The following LINGO2 variants were observed in gnomAD, a reference collection of about 807,000 sequenced individuals.
LINGO2 encodes leucine-rich repeat and immunoglobulin-like domain-containing nogo receptor-interacting protein 2.
Under a neutral mutation model 30.6 loss-of-function variants are expected in LINGO2, and 14 were observed. The observed-to-expected ratio is 0.46, with a 90% CI of 0.30 to 0.72. The LOEUF (loss-of-function observed/expected upper bound fraction) is 0.72, where lower values mean the gene tolerates loss of function less well. Among genes scored for constraint, LINGO2 ranks in the 30% least tolerant of loss-of-function variants. LINGO2 has a pLI of 0.07. For missense variants in LINGO2, 729 were observed against 751.7 expected (o/e 0.97, Z 0.35); for synonymous variants, 317 against 288.5 (o/e 1.10, Z -1.00).
chr9:28,885,901 C>A, the LINGO2 span, among the ~76,000 whole-genome samples: 1 of 152,214 alleles, frequency 6.6e-6, no homozygotes, highest in Middle Eastern at 3.4e-3. Flanking sequence ...AAACCAGATC[C>A]ACTTTCACTA....
In LINGO2 at chr9:27,962,955, A is replaced by T. The variant is rs16912113; in HGVS notation, c.-35-12249T>A. On this transcript the variant is annotated intron_variant, in intron 5 of 5. Transcript: ENST00000379992. ...ATATTTTTATACTTACATTTTTCGTATGCTGGGTATTTATTCCCCACTTAT... is the reference window on the plus strand; with the variant it reads ...ATATTTTTATACTTACATTTTTCGTTTGCTGGGTATTTATTCCCCACTTAT... Among the ~76,000 whole-genome samples, 611 of 152,236 alleles carry T rather than the reference A, an allele frequency of 4.0e-3. 2 individuals are homozygous for T. The highest frequency in any genetic ancestry group is 0.014 in the African/African-American group (565 of 41,548).
the LINGO2 span, among the ~76,000 whole-genome samples, chr9:28,916,366 G>C: frequency 6.6e-6 from 1 of 152,116 alleles, no homozygotes; most frequent in Non-Finnish European, 1.5e-5. Context: ...AATTAACTAA[G>C]AGCCTGGCAT....
chr9:28,700,219 C>A, the LINGO2 span, among the ~76,000 whole-genome samples: 1 of 151,938 alleles, frequency 6.6e-6, no homozygotes, highest in Non-Finnish European at 1.5e-5. Context: ...TCTCAGCCAG[C>A]TGACACTAAA....
At chr9:28,069,773 C>A (rs1421584189) in intron 4 of LINGO2, among the ~76,000 whole-genome samples, 1 of 152,160 alleles carries the variant, frequency 6.6e-6, no homozygotes, top group Non-Finnish European at 1.5e-5. Context: ...AGACATCCAA[C>A]TTATGAGGTC....
intron 2 of LINGO2, among the ~76,000 whole-genome samples, chr9:28,462,399 T>C (rs1454351195): frequency 7.2e-6 from 1 of 139,144 alleles, no homozygotes; most frequent in African/African-American, 2.6e-5. Flanking sequence ...AGAATAACAT[T>C]CATCATGCTC....
At chr9:28,423,974 C>T (rs1040415785) in intron 2 of LINGO2, among the ~76,000 whole-genome samples, 3 of 152,078 alleles carry the variant, frequency 2.0e-5, no homozygotes, top group Admixed American at 6.6e-5. Context: ...TGAAGTGCCT[C>T]ACTCAGAGGG....
chr9:29,197,243 A>G, the LINGO2 span, among the ~76,000 whole-genome samples: 3 of 152,066 alleles, frequency 2.0e-5, no homozygotes, highest in Non-Finnish European at 4.4e-5. Flanking sequence ...GTATATAACT[A>G]TCATTTATAG....
At chr9:28,243,469 A>AAAAGAAG (rs61010611) in intron 4 of LINGO2, among the ~76,000 whole-genome samples, 6 of 145,154 alleles carry the variant, frequency 4.1e-5, no homozygotes, top group East Asian at 2.0e-4. Flanking sequence ...AAAAATAAAA[A>AAAAGAAG]AAGAAGAAGA....
At chr9:29,138,015 TG>T in the LINGO2 span, among the ~76,000 whole-genome samples, 1 of 152,004 alleles carries the variant, frequency 6.6e-6, no homozygotes, top group African/African-American at 2.4e-5. Context: ...TATTTAGCAC[TG>T]GGTGAAGTTT....
the LINGO2 span, chr9:27,940,402 G>A: frequency 6.6e-6 from 1 of 152,130 alleles, no homozygotes; most frequent in Admixed American, 6.6e-5. Context: ...AGTGTGACAA[G>A]CCCTAGAAGC....
chr9:29,113,327 C>T, the LINGO2 span, among the ~76,000 whole-genome samples: 9 of 152,160 alleles, frequency 5.9e-5, no homozygotes, highest in Admixed American at 5.2e-4. Context: ...AATGGTGAAA[C>T]CTCGATGCTT....
At chr9:28,442,958 T>G (rs2135026830) in intron 2 of LINGO2, among the ~76,000 whole-genome samples, 1 of 133,614 alleles carries the variant, frequency 7.5e-6, no homozygotes, top group East Asian at 2.8e-4. Context: ...ATATTAAAAA[T>G]ATTACCCCAA....
At chr9:28,780,830 A>ATG in the LINGO2 span, among the ~76,000 whole-genome samples, 10,178 of 127,232 alleles carry the variant, frequency 0.08, 534 homozygotes, top group African/African-American at 0.16. Flanking sequence ...CTTGGTAGTA[A>ATG]TGTGTGTGTG....
chr9:28,219,090 T>C (rs899421120), intron 4 of LINGO2, among the ~76,000 whole-genome samples: 3 of 152,172 alleles, frequency 2.0e-5, no homozygotes, highest in Non-Finnish European at 4.4e-5. Flanking sequence ...GGATTAGCTT[T>C]TGCAGAACCA....
At position 28,301,349 on chromosome 9, in the gene LINGO2, A is replaced by C. The variant is rs560771368; in HGVS notation, c.-245-5983T>G. ...GTCCCATTTCCACTGCCTTTGGCAA[A>C]ATCCATGACAAGTTAAAAAAAAAAA... On this transcript the variant is annotated intron_variant, in intron 3 of 5. Transcript: ENST00000379992. Among the ~76,000 whole-genome samples the C allele has an allele frequency of 1.9e-3, 285 of 151,714 alleles. 1 individual carries two copies. Among genetic ancestry groups the C allele is most frequent in the African/African-American group, 6.4e-3 (263 of 41,230 alleles).
At chr9:29,083,196 A>G in the LINGO2 span, among the ~76,000 whole-genome samples, 3 of 152,314 alleles carry the variant, frequency 2.0e-5, no homozygotes, top group Admixed American at 6.5e-5. Flanking sequence ...ATGTCCATCA[A>G]TGATAGACTG....
At chr9:28,502,392 C>G (rs1014324572) in intron 1 of LINGO2, among the ~76,000 whole-genome samples, 7 of 152,002 alleles carry the variant, frequency 4.6e-5, no homozygotes, top group African/African-American at 1.2e-4. Context: ...ATTTCCACAA[C>G]TGATGATTCA....
At chr9:28,215,698 A>G (rs1820742598) in intron 4 of LINGO2, among the ~76,000 whole-genome samples, 1 of 151,708 alleles carries the variant, frequency 6.6e-6, no homozygotes, top group Non-Finnish European at 1.5e-5. Flanking sequence ...CTAATCCACT[A>G]TATCAACATG....
Position 28,334,491 on chromosome 9 carries a change from C to T in LINGO2, c.-246+38345G>A, listed in dbSNP as rs895705019. The stretch of plus-strand genomic sequence containing the variant: ...ATCATATACTTTAACTCTGTGACTG[C>T]TTTTTCCTCTACTAAGTGGGGTTTT... On this transcript the variant is annotated intron_variant, in intron 3 of 5. Transcript: ENST00000379992. 6.6e-4 allele frequency among the ~76,000 whole-genome samples: 100 copies of T among 152,058 alleles called. 1 individual carries two copies. The highest frequency in any genetic ancestry group is 5.9e-5 in the Non-Finnish European group (4 of 68,014).
Sources: allele counts gnomAD v4.1 joint callset (sites outside exome capture counted in the v4.1 genomes callset), GRCh38; gene constraint gnomAD v4.1.1; transcripts MANE v1.5; gene names NCBI Gene and HGNC (gene_info 2026-07-23, HGNC 2026-07-21).